DNAH5: variants seen among roughly 807,000 people sequenced by gnomAD.
DNAH5 encodes the protein axonemal beta dynein heavy chain 5.
Under a neutral mutation model 518.2 loss-of-function variants are expected in DNAH5, and 372 were observed. The ratio of observed to expected loss-of-function variants is 0.72; its 90% CI spans 0.66 to 0.78. The LOEUF (loss-of-function observed/expected upper bound fraction) is 0.78. DNAH5 is among the 30% of genes least tolerant of loss of function. The probability of loss-of-function intolerance (pLI) is 0.00; values close to 1 mark genes in which losing one functional copy is unlikely to be tolerated. For synonymous variants in DNAH5, 2,039 were observed against 2,025.9 expected (o/e 1.01, Z -0.17); for missense variants, 5,523 against 5,687.0 (o/e 0.97, Z 0.93).
intron 68 of DNAH5, among the ~76,000 whole-genome samples, chr5:13,734,692 G>A (rs1043109900): frequency 4.6e-5 from 7 of 151,942 alleles, no homozygotes; most frequent in East Asian, 1.9e-4. Flanking sequence ...CCCACCTACC[G>A]ATCTCTTAGG....
chr5:13,830,841 A>T, intron 35 of DNAH5, 66 bp from the exon 36 acceptor site: 3 of 1,522,756 alleles, frequency 2.0e-6, no homozygotes, highest in East Asian at 4.5e-5. Context: ...GAGACATCAC[A>T]GTGGCATGAA....
intron 51 of DNAH5, among the ~76,000 whole-genome samples, chr5:13,788,310 A>C (rs1756389814): frequency 6.6e-6 from 1 of 152,036 alleles, no homozygotes; most frequent in Non-Finnish European, 1.5e-5. Flanking sequence ...CATTTCATGG[A>C]CTCCCCACGG....
intron 1 of DNAH5, among the ~76,000 whole-genome samples, chr5:13,933,789 CAA>C (rs533169329): frequency 7.3e-5 from 6 of 82,366 alleles, no homozygotes; most frequent in African/African-American, 8.7e-5. Context: ...GACTCCACCT[CAA>C]AAAAAAAAAA....
Position 13,922,112 on chromosome 5 carries a change from C to A in DNAH5, c.655G>T (p.Glu219Ter). The change falls in exon 5 of 79, where the codon GAG becomes TAG. Residue 219 changes from glutamate (E) to a stop codon, truncating the protein, a stop_gained. Transcript: ENST00000265104. LOFTEE classifies it high-confidence loss of function. ...VLSGAQESLK[E>*]KVNLRKCDIL... is the part of the protein sequence containing the mutation. Reference sequence around the variant, plus strand: ...AACAGCTTATTCGTCCTCACCTTCTCCTTCAGACTCTCCTGTGCACCCGAC... The same window carrying A: ...AACAGCTTATTCGTCCTCACCTTCTACTTCAGACTCTCCTGTGCACCCGAC... The A allele has an allele frequency of 6.2e-7, 1 of 1,614,020 alleles. No individual in the cohort carries two copies. Among genetic ancestry groups the A allele is most frequent in the Non-Finnish European group, 8.5e-7 (1 of 1,179,974 alleles).
intron 28 of DNAH5, among the ~76,000 whole-genome samples, chr5:13,864,037 C>T (rs547592492): frequency 5.9e-5 from 9 of 152,354 alleles, no homozygotes; most frequent in Non-Finnish European, 1.0e-4. Flanking sequence ...GCCAGTCCTA[C>T]GCATGCATCC....
chr5:13,859,391 G>T (rs1768062605), intron 30 of DNAH5, 61 bp downstream of exon 30: 1 of 1,561,056 alleles, frequency 6.4e-7, no homozygotes, highest in Non-Finnish European at 8.8e-7. Context: ...ATTTAAGGGG[G>T]TAATCGCTCT....
At chr5:13,914,432 G>T in intron 10 of DNAH5, 88 bp downstream of exon 10, 3 of 1,416,326 alleles carry the variant, frequency 2.1e-6, no homozygotes, top group Middle Eastern at 2.5e-4. Context: ...ATCAACCAAT[G>T]ATATAATAAT....
chr5:13,742,571 T>A (rs925581922), intron 65 of DNAH5, among the ~76,000 whole-genome samples: 1 of 152,042 alleles, frequency 6.6e-6, no homozygotes, highest in Admixed American at 6.6e-5. Context: ...CAAATATTAA[T>A]AAAATAAACA....
chr5:13,752,360 CA>C, intron 63 of DNAH5, 71 bp from the exon 64 acceptor site: 1 of 1,530,356 alleles, frequency 6.5e-7, no homozygotes, highest in South Asian at 1.1e-5. Flanking sequence ...TAACTGTTTT[CA>C]AATGAAGCCT....
At chr5:13,871,504 G>T in intron 23 of DNAH5, 60 bp downstream of exon 23, 1 of 1,395,580 alleles carries the variant, frequency 7.2e-7, no homozygotes, top group Non-Finnish European at 1.0e-6. Flanking sequence ...ACAAATCTAG[G>T]TAAAGAGGCA....
chr5:13,879,810 T>G (rs914592743), intron 21 of DNAH5, among the ~76,000 whole-genome samples: 2 of 152,018 alleles, frequency 1.3e-5, no homozygotes, highest in East Asian at 1.9e-4. Flanking sequence ...CTTAACAGAC[T>G]TATGGGACAC....
At position 13,793,950 on chromosome 5, in the gene DNAH5, C is replaced by A; in HGVS notation, c.7996G>T (p.Glu2666Ter). ...AATGATGATACCTGATCTCCCCACT[C>A]ATTGATTATTGGCATATTCACATCA... ...IDDVNMPIIN[E>*]WGDQVTNEIV... The change falls in exon 48 of 79, where the codon GAG becomes TAG. Residue 2666 changes from glutamate (E) to a stop codon, truncating the protein, a stop_gained. Coordinates refer to ENST00000265104, the MANE Select transcript of DNAH5 (RefSeq NM_001369.3). LOFTEE classifies it high-confidence loss of function. 6.2e-7 allele frequency: 1 copy of A among 1,614,012 alleles called. No individual in the cohort carries two copies. Among genetic ancestry groups the A allele is most frequent in the Non-Finnish European group, 8.5e-7 (1 of 1,179,900 alleles).
At chr5:13,965,302 G>A (rs900223473) in intron 1 of DNAH5, among the ~76,000 whole-genome samples, 10 of 151,982 alleles carry the variant, frequency 6.6e-5, no homozygotes, top group African/African-American at 1.9e-4. Context: ...TGGATAAACT[G>A]GACATGATTG....
intron 1 of DNAH5, among the ~76,000 whole-genome samples, chr5:13,963,641 T>A (rs1379529289): frequency 6.6e-6 from 1 of 152,058 alleles, no homozygotes; most frequent in Non-Finnish European, 1.5e-5. Flanking sequence ...CATAAGATAA[T>A]GTCTGACAGG....
intron 1 of DNAH5, among the ~76,000 whole-genome samples, chr5:14,000,259 G>C (rs989261826): frequency 3.3e-5 from 5 of 152,200 alleles, no homozygotes; most frequent in South Asian, 2.1e-4. Context: ...GGACACAGCC[G>C]TGTGACTGGA....
chr5:13,879,686 G>A (rs1029124451), intron 21 of DNAH5, among the ~76,000 whole-genome samples: 3 of 151,234 alleles, frequency 2.0e-5, no homozygotes, highest in Non-Finnish European at 4.4e-5. Context: ...AGTTTCCACA[G>A]AAGACTAGAT....
At chr5:13,956,294 CTA>C (rs1368251618) in intron 1 of DNAH5, among the ~76,000 whole-genome samples, 1 of 152,166 alleles carries the variant, frequency 6.6e-6, no homozygotes, top group East Asian at 1.9e-4. Context: ...AAAATAAAGA[CTA>C]TGAATACTGT....
upstream of DNAH5, among the ~76,000 whole-genome samples, chr5:13,945,503 G>A (rs1440859304): frequency 3.3e-5 from 5 of 152,174 alleles, no homozygotes; most frequent in South Asian, 2.1e-4. Context: ...GCTAGGGCAC[G>A]GACGGCCTCC....
chr5:13,914,421 T>C (rs2151981927), intron 10 of DNAH5, 99 bp downstream of exon 10: 1 of 1,363,616 alleles, frequency 7.3e-7, no homozygotes, highest in Non-Finnish European at 1.0e-6. Context: ...CTGTTCTTTT[T>C]ATCAACCAAT....
Sources: gnomAD v4.1 joint callset for allele counts (sites outside exome capture counted in the v4.1 genomes callset) on GRCh38, gnomAD v4.1.1 for gene constraint, MANE v1.5 for transcripts, NCBI Gene and HGNC (gene_info 2026-07-23, HGNC 2026-07-21) for gene names.